The following CLIC4 variants were observed in gnomAD, a reference collection of about 807,000 sequenced individuals.
CLIC4 encodes chloride intracellular channel protein 4.
In CLIC4, 13 loss-of-function variants were observed where a neutral mutation model predicts 24.6. That is an observed-to-expected ratio of 0.53 (90% CI 0.34 to 0.84). The LOEUF is 0.84. Ranked by LOEUF, CLIC4 falls within the 40% of genes least tolerant of loss-of-function variation. The probability of loss-of-function intolerance (pLI) is 0.01; values close to 1 mark genes in which losing one functional copy is unlikely to be tolerated. For missense variants in CLIC4, 227 were observed against 301.7 expected, an observed-to-expected ratio of 0.75 and a Z score of 1.83; for synonymous variants, 104 against 111.3, an observed-to-expected ratio of 0.93 and a Z score of 0.41.
At chr1:24,794,352 T>G (rs1217855079) in intron 1 of CLIC4, among the ~76,000 whole-genome samples, 1 of 40,224 alleles carries the variant, frequency 2.5e-5, no homozygotes, top group Middle Eastern at 9.3e-3. Context: ...CCAGCATCTG[T>G]TTTTTTTTTT....
intron 1 of CLIC4, chr1:24,771,701 C>T: frequency 1.3e-5 from 4 of 314,120 alleles, no homozygotes; most frequent in South Asian, 3.1e-5. Flanking sequence ...AGTAAAATAC[C>T]AGAGTTAAAA....
At chr1:24,763,857 A>T (rs1557796422) in intron 1 of CLIC4, among the ~76,000 whole-genome samples, 2 of 151,914 alleles carry the variant, frequency 1.3e-5, no homozygotes. Flanking sequence ...TATTTTGTTG[A>T]TAGTTTTGCA....
chr1:24,789,855 G>A (rs1438397041), intron 1 of CLIC4, among the ~76,000 whole-genome samples: 1 of 151,230 alleles, frequency 6.6e-6, no homozygotes, highest in African/African-American at 2.4e-5. Flanking sequence ...TATGATTCTT[G>A]GTATGACACG....
chr1:24,773,189 C>A (rs1374514609), intron 1 of CLIC4, among the ~76,000 whole-genome samples: 1 of 152,144 alleles, frequency 6.6e-6, no homozygotes, highest in African/African-American at 2.4e-5. Flanking sequence ...AAAAAACTTT[C>A]TGCAGAATTT....
At chr1:24,793,805 GT>G (rs1639367043) in intron 1 of CLIC4, among the ~76,000 whole-genome samples, 1 of 150,046 alleles carries the variant, frequency 6.7e-6, no homozygotes, top group Admixed American at 6.6e-5. Flanking sequence ...TTTTGTTTTT[GT>G]TTTTTAAACT....
At chr1:24,751,733 G>A (rs572668439) in intron 1 of CLIC4, among the ~76,000 whole-genome samples, 2 of 152,274 alleles carry the variant, frequency 1.3e-5, no homozygotes, top group East Asian at 1.9e-4. Flanking sequence ...TCGTGGTGGC[G>A]GGCGCCTGTA....
At chr1:24,832,006 CCTTTT>C (rs879521738) in intron 4 of CLIC4, among the ~76,000 whole-genome samples, 3 of 152,112 alleles carry the variant, frequency 2.0e-5, no homozygotes, top group African/African-American at 4.8e-5. Context: ...TCTGCTCTCT[CCTTTT>C]CTCTTTTTTC....
chr1:24,832,206 T>G (rs1398836595), intron 4 of CLIC4, among the ~76,000 whole-genome samples: 51 of 2,340 alleles, frequency 0.022, 14 homozygotes, highest in African/African-American at 0.023. Flanking sequence ...TTTGATTTTT[T>G]ATTTTTTTTA....
Position 24,843,983 on chromosome 1 carries a change from A to C in CLIC4, c.*3046A>C, listed in dbSNP as rs1571272242. ...TAATTTGAATTTAAGCATTTAATTC[A>C]AAGAGAGGGGAGCATCCATTATTGA... On this transcript the variant is annotated 3_prime_UTR_variant, in exon 6 of 6. Transcript: ENST00000374379. 6.6e-6 allele frequency: 1 copy of C among 152,626 alleles called. No homozygotes were observed. The highest frequency in any genetic ancestry group is 1.9e-4 in the East Asian group (1 of 5,198). The allele number at this position is 152,626 out of a possible 1,614,324, so 9.5% of individuals were successfully genotyped here.
At chr1:24,816,386 C>A (rs910849799) in intron 3 of CLIC4, among the ~76,000 whole-genome samples, 3 of 151,964 alleles carry the variant, frequency 2.0e-5, no homozygotes, top group South Asian at 2.1e-4. Flanking sequence ...ATTACAGGTG[C>A]CTGCCGCCAT....
Position 24,836,823 on chromosome 1 carries a change from AG to A in CLIC4, c.416-3036del, listed in dbSNP as rs751296119. 1.4e-3 allele frequency among the ~76,000 whole-genome samples: 214 copies of A among 152,324 alleles called. 1 individual carries two copies. The Middle Eastern group carries it at 0.041, about 29-fold the overall frequency. On this transcript the variant is annotated intron_variant, in intron 4 of 5. Transcript: ENST00000374379. ...ATTGCACCCCAGCCTGGGTGATAGGAGTGAAACCTTGTCTCAAAAATGAAAA... is the reference window on the plus strand; with the variant it reads ...ATTGCACCCCAGCCTGGGTGATAGGATGAAACCTTGTCTCAAAAATGAAAA...
At chr1:24,763,033 A>G (rs187317054) in intron 1 of CLIC4, among the ~76,000 whole-genome samples, 1 of 152,214 alleles carries the variant, frequency 6.6e-6, no homozygotes, top group East Asian at 1.9e-4. Flanking sequence ...AGTGGTATGT[A>G]TTGCTTCTTC....
In CLIC4 at chr1:24,769,854, A is replaced by T. The variant is rs181119710; in HGVS notation, c.72+24229A>T. Among the ~76,000 whole-genome samples the T allele has an allele frequency of 8.6e-5, 13 of 151,472 alleles. No individual in the cohort carries two copies. In the East Asian group the frequency reaches 2.5e-3, roughly 29 times the overall value. ...ATTTATAAACTTGTTAAGGAACCTG[A>T]CTTGAATGTCTTTTTTTTTTTTAAG... On this transcript the variant is annotated intron_variant, in intron 1 of 5. Coordinates refer to ENST00000374379, the MANE Select transcript of CLIC4 (RefSeq NM_013943.3).
rs560179410 is a variant in CLIC4, at chr1:24,839,501, G to A, written c.416-359G>A. Among the ~76,000 whole-genome samples the A allele has an allele frequency of 1.2e-3, 186 of 152,106 alleles. 2 individuals are homozygous for A. Among genetic ancestry groups the A allele is most frequent in the African/African-American group, 4.2e-3 (174 of 41,498 alleles). ...TTTTTAGTAGAGACGAGGTTTCACC[G>A]TGTTAGCCAGGATGGTCTCGATCTC... On this transcript the variant is annotated intron_variant, in intron 4 of 5. Coordinates refer to ENST00000374379, the MANE Select transcript of CLIC4 (RefSeq NM_013943.3).
chr1:24,765,485 GT>G (rs1244165165), intron 1 of CLIC4, among the ~76,000 whole-genome samples: 3 of 152,188 alleles, frequency 2.0e-5, no homozygotes, highest in Non-Finnish European at 4.4e-5. Flanking sequence ...ACTGGGCTCA[GT>G]TCATATTTTA....
chr1:24,794,611 CA>C (rs1639376984), intron 1 of CLIC4, among the ~76,000 whole-genome samples: 1 of 152,090 alleles, frequency 6.6e-6, no homozygotes, highest in African/African-American at 2.4e-5. Context: ...GCATATTTTG[CA>C]AATATTTTCT....
At chr1:24,790,586 G>T (rs886990860) in intron 1 of CLIC4, among the ~76,000 whole-genome samples, 1 of 152,164 alleles carries the variant, frequency 6.6e-6, no homozygotes, top group Non-Finnish European at 1.5e-5. Context: ...CTGCTGGGGT[G>T]GGGGAATGGG....
intron 1 of CLIC4, among the ~76,000 whole-genome samples, chr1:24,765,320 T>C (rs1638979646): frequency 6.6e-6 from 1 of 152,254 alleles, no homozygotes; most frequent in South Asian, 2.1e-4. Flanking sequence ...AAATGTTTGC[T>C]GAAGGAATAT....
At chr1:24,756,714 AG>A (rs1428721805) in intron 1 of CLIC4, among the ~76,000 whole-genome samples, 1 of 152,112 alleles carries the variant, frequency 6.6e-6, no homozygotes, top group Admixed American at 6.6e-5. Flanking sequence ...ATGAAAGCTG[AG>A]GTAATTAAGA....
Sources: gnomAD v4.1 joint callset for allele counts (sites outside exome capture counted in the v4.1 genomes callset) on GRCh38, gnomAD v4.1.1 for gene constraint, MANE v1.5 for transcripts, NCBI Gene and HGNC (gene_info 2026-07-23, HGNC 2026-07-21) for gene names.